The following OTOGL variants were observed in gnomAD, a reference collection of about 807,000 sequenced individuals.
OTOGL encodes otogelin like.
OTOGL carries 285 observed loss-of-function variants against 318.5 expected under a neutral mutation model. That is an observed-to-expected ratio of 0.89 (90% CI 0.81 to 0.99). The LOEUF is 0.99. OTOGL is among the 50% of genes least tolerant of loss of function. The probability of loss-of-function intolerance (pLI) is 0.00; values close to 1 mark genes in which losing one functional copy is unlikely to be tolerated. For synonymous variants in OTOGL, 987 were observed against 936.5 expected, an observed-to-expected ratio of 1.05 and a Z score of -0.99; for missense variants, 2,899 against 2,845.6, an observed-to-expected ratio of 1.02 and a Z score of -0.43.
chr12:80,375,169 G>A (rs1891111084), intron 57 of OTOGL, among the ~76,000 whole-genome samples: 1 of 152,180 alleles, frequency 6.6e-6, no homozygotes, highest in Non-Finnish European at 1.5e-5. Context: ...ACTAGGCTGT[G>A]TTGAAGAGAT....
chr12:80,356,992 T>C (rs1244998902), intron 49 of OTOGL, 78 bp downstream of exon 49: 22 of 798,162 alleles, frequency 2.8e-5, no homozygotes, highest in Non-Finnish European at 3.8e-5. Flanking sequence ...GTGAATTTTA[T>C]GAGACTGATG....
At chr12:80,146,949 T>C (rs530970395) in intron 1 of OTOGL, among the ~76,000 whole-genome samples, 2 of 152,072 alleles carry the variant, frequency 1.3e-5, no homozygotes, top group Middle Eastern at 3.4e-3. Flanking sequence ...TCTTCTCTCT[T>C]TTTTTCTTTA....
Position 80,149,383 on chromosome 12 carries a change from G to T in OTOGL, c.-20+49778G>T, listed in dbSNP as rs1872621880. Among the ~76,000 whole-genome samples, 3 of 152,048 alleles carry T rather than the reference G, an allele frequency of 2.0e-5. No homozygotes were observed. In the South Asian group the frequency reaches 6.2e-4, roughly 32 times the overall value. Reference sequence around the variant, plus strand: ...GGCTGCTCGGGGGTCGGGGGCCAGGGGTCAGGGGTCAGGGACCCACTTGAG... The same window carrying T: ...GGCTGCTCGGGGGTCGGGGGCCAGGTGTCAGGGGTCAGGGACCCACTTGAG... On this transcript the variant is annotated intron_variant, in intron 1 of 58. Coordinates refer to ENST00000547103, the MANE Select transcript of OTOGL (RefSeq NM_001378609.3).
chr12:80,211,848 T>G (rs1193302690), intron 3 of OTOGL, 101 bp from the exon 4 acceptor site: 3 of 944,506 alleles, frequency 3.2e-6, no homozygotes, highest in Non-Finnish European at 4.8e-6. Flanking sequence ...TTTGATAAAG[T>G]GATGGAAATC....
intron 11 of OTOGL, among the ~76,000 whole-genome samples, chr12:80,242,078 C>T (rs1010000235): frequency 1.5e-4 from 23 of 152,274 alleles, no homozygotes; most frequent in Admixed American, 9.2e-4. Context: ...TTGTCTTTGG[C>T]TGGCAGCCAT....
rs369275572 is a variant in OTOGL at position 80,261,965 on chromosome 12, C to G, written c.1890-4C>G. The G allele has an allele frequency of 1.2e-6, 2 of 1,609,720 alleles. No homozygotes were observed. Among genetic ancestry groups the G allele is most frequent in the African/African-American group, 2.7e-5 (2 of 74,794 alleles). ...TGAAGATGAGCATTGTCTTTGCTTT[C>G]TAGTTCTCCATCAGGCATGATAGAA... is the stretch of plus-strand genomic sequence containing the variant. On this transcript the variant is annotated splice_polypyrimidine_tract_variant and splice_region_variant and intron_variant, in intron 18 of 58. Transcript: ENST00000547103.
chr12:80,367,848 T>TTTTCTTC, intron 54 of OTOGL, 109 bp downstream of exon 54: 2 of 734,904 alleles, frequency 2.7e-6, no homozygotes, highest in Non-Finnish European at 2.0e-6. Flanking sequence ...ATATATTATA[T>TTTTCTTC]AGTTCTTCAA....
Position 80,205,348 on chromosome 12 carries a change from G to T in OTOGL, c.-19-4065G>T, listed in dbSNP as rs139384493. On this transcript the variant is annotated intron_variant, in intron 1 of 58. Coordinates refer to ENST00000547103, the MANE Select transcript of OTOGL (RefSeq NM_001378609.3). ...ATCAATTAGATATTACAAATCAACG[G>T]CATCACAGCAAGTTGAAAAACAAAT... 5.5e-4 allele frequency among the ~76,000 whole-genome samples: 83 copies of T among 152,226 alleles called. No individual in the cohort carries two copies. In the East Asian group the frequency reaches 0.012, roughly 21 times the overall value.
intron 30 of OTOGL, among the ~76,000 whole-genome samples, chr12:80,311,539 C>T (rs1395396432): frequency 1.3e-5 from 2 of 150,402 alleles, no homozygotes; most frequent in African/African-American, 2.5e-5. Context: ...TCTCCTGCCT[C>T]AGCCTCCCGA....
rs1229187544 is a variant in OTOGL, at chr12:80,278,231, G to A, written c.2745G>A (p.Trp915Ter). 1.3e-6 allele frequency: 2 copies of A among 1,546,618 alleles called. No homozygotes were observed. Among genetic ancestry groups the A allele is most frequent in the South Asian group, 1.2e-5 (1 of 83,900 alleles). ...PESCPCIWKD[W>*]EYLSGEVIAT... ...GCTGCCCATGTATTTGGAAAGATTG[G>A]GAGTATCTCTCAGGAGAAGTGATTG... Residue 915 changes from tryptophan (W) to a stop codon, truncating the protein, a stop_gained, in exon 25 of 59, where the codon TGG (tryptophan) becomes TGA (stop). Coordinates refer to ENST00000547103, the MANE Select transcript of OTOGL (RefSeq NM_001378609.3). LOFTEE classifies it high-confidence loss of function.
rs183559838 is a variant in OTOGL, at chr12:80,311,162, C to T, written c.3450+435C>T. ...ATGGAATGTACTTATTTAGAAATTT[C>T]GTTTTCAAAATTCCTTCCTAGCATG... On this transcript the variant is annotated intron_variant, in intron 30 of 58. Coordinates refer to ENST00000547103, the MANE Select transcript of OTOGL (RefSeq NM_001378609.3). Among the ~76,000 whole-genome samples, 841 of 152,224 alleles carry T rather than the reference C, an allele frequency of 5.5e-3. 8 individuals are homozygous for T. Among genetic ancestry groups the T allele is most frequent in the African/African-American group, 0.016 (665 of 41,550 alleles).
chr12:80,250,565 CTT>C (rs1383646568), intron 11 of OTOGL, among the ~76,000 whole-genome samples: 9 of 152,132 alleles, frequency 5.9e-5, no homozygotes, highest in Non-Finnish European at 1.0e-4. Flanking sequence ...TTTGAAAAGA[CTT>C]TTCTTATTTG....
At chr12:80,274,182 A>G (rs1453638242) in intron 24 of OTOGL, among the ~76,000 whole-genome samples, 1 of 152,104 alleles carries the variant, frequency 6.6e-6, no homozygotes, top group African/African-American at 2.4e-5. Context: ...AGGAAGGCAT[A>G]TTGAAAGCTG....
intron 29 of OTOGL, among the ~76,000 whole-genome samples, chr12:80,308,879 A>G (rs1405338527): frequency 6.6e-6 from 1 of 152,164 alleles, no homozygotes; most frequent in African/African-American, 2.4e-5. Context: ...AGGCAGGAGA[A>G]TCAGGCAGGG....
At chr12:80,358,424 T>G (rs907846581) in intron 50 of OTOGL, 75 bp downstream of exon 50, 5 of 1,211,208 alleles carry the variant, frequency 4.1e-6, no homozygotes. Context: ...CTTAGTTGGC[T>G]GTTACATCAG....
At chr12:80,149,062 T>G (rs1872596479) in intron 1 of OTOGL, among the ~76,000 whole-genome samples, 1 of 152,180 alleles carries the variant, frequency 6.6e-6, no homozygotes, top group African/African-American at 2.4e-5. Flanking sequence ...CTCGTCAAAG[T>G]CGTTCTCCGT....
intron 44 of OTOGL, among the ~76,000 whole-genome samples, chr12:80,351,717 TGA>T (rs755367311): frequency 4.6e-5 from 7 of 152,296 alleles, no homozygotes; most frequent in Non-Finnish European, 1.0e-4. Context: ...AATAATGAGT[TGA>T]GAGAAAAATG....
chr12:80,342,563 T>G (rs1888850741), intron 44 of OTOGL, among the ~76,000 whole-genome samples: 1 of 152,240 alleles, frequency 6.6e-6, no homozygotes, highest in Admixed American at 6.5e-5. Flanking sequence ...CTCAATTTAC[T>G]TGGTCTTTAT....
chr12:80,287,373 G>C (rs1369887983), intron 26 of OTOGL, among the ~76,000 whole-genome samples: 1 of 151,710 alleles, frequency 6.6e-6, no homozygotes, highest in East Asian at 1.9e-4. Flanking sequence ...TGTATATTCT[G>C]TTGATTTGGG....
Sources: gnomAD v4.1 joint callset for allele counts (sites outside exome capture counted in the v4.1 genomes callset) on GRCh38, gnomAD v4.1.1 for gene constraint, MANE v1.5 for transcripts, NCBI Gene and HGNC (gene_info 2026-07-23, HGNC 2026-07-21) for gene names.